Variants in SLC26A7 observed in about 807,000 individuals in gnomAD.
The protein encoded by SLC26A7 is solute carrier family 26 member 7.
SLC26A7 carries 59 observed loss-of-function variants against 82.5 expected under a neutral mutation model. The observed-to-expected ratio is 0.72, with a 90% CI of 0.58 to 0.89. The LOEUF (loss-of-function observed/expected upper bound fraction) is 0.89. SLC26A7 is among the 40% of genes least tolerant of loss of function. SLC26A7 has a pLI of 0.00. For missense variants in SLC26A7, 820 were observed against 793.0 expected, an observed-to-expected ratio of 1.03 and a Z score of -0.41; for synonymous variants, 271 against 274.3, an observed-to-expected ratio of 0.99 and a Z score of 0.12.
At chr8:91,381,239 A>G (rs1253887548) in intron 15 of SLC26A7, among the ~76,000 whole-genome samples, 1 of 152,178 alleles carries the variant, frequency 6.6e-6, no homozygotes, top group Non-Finnish European at 1.5e-5. Flanking sequence ...TTAGCAGTAC[A>G]ATGGACAAAT....
intron 9 of SLC26A7, among the ~76,000 whole-genome samples, chr8:91,351,441 G>A (rs1813712106): frequency 6.6e-6 from 1 of 152,140 alleles, no homozygotes; most frequent in African/African-American, 2.4e-5. Context: ...TACAAAATAA[G>A]GAGGGGAGTC....
intron 2 of SLC26A7, among the ~76,000 whole-genome samples, chr8:91,270,558 G>A (rs1195717314): frequency 6.6e-6 from 1 of 152,118 alleles, no homozygotes; most frequent in African/African-American, 2.4e-5. Context: ...ATCCAGCCAG[G>A]GTTTCAGGCC....
intron 2 of SLC26A7, among the ~76,000 whole-genome samples, chr8:91,255,214 G>A (rs1810769143): frequency 6.6e-6 from 1 of 151,990 alleles, no homozygotes; most frequent in African/African-American, 2.4e-5. Context: ...ACTTTTAGCT[G>A]CCATAGGGTT....
intron 4 of SLC26A7, among the ~76,000 whole-genome samples, chr8:91,297,220 T>C (rs1812040866): frequency 6.6e-6 from 1 of 152,096 alleles, no homozygotes. Flanking sequence ...GTTTTAGGTA[T>C]ATATTAGTAT....
intron 2 of SLC26A7, among the ~76,000 whole-genome samples, chr8:91,282,864 A>G (rs1811610969): frequency 6.6e-6 from 1 of 152,094 alleles, no homozygotes; most frequent in South Asian, 2.1e-4. Context: ...CTTTGAACAC[A>G]TTTCTTCTAC....
At position 91,214,806 on chromosome 8, in the gene SLC26A7, ATT is replaced by A. The variant is rs766125366; in HGVS notation, c.-149-4069_-149-4068del. On this transcript the variant is annotated intron_variant, in intron 1 of 5. Coordinates refer to the SLC26A7 transcript ENST00000522862. The stretch of plus-strand genomic sequence containing the variant: ...CCCAAAGCTTGGTGACTTGACAGAA[ATT>A]TTTTTTTTTTTTTTACAGTCAAGTA... Among the ~76,000 whole-genome samples the A allele has an allele frequency of 5.5e-3, 791 of 144,578 alleles. 5 individuals carry two copies. The highest frequency in any genetic ancestry group is 0.018 in the African/African-American group (714 of 39,480). The allele number at this position is 144,578 out of a possible 152,430, so 94.8% of individuals were successfully genotyped here.
intron 5 of SLC26A7, 56 bp from the exon 6 acceptor site, chr8:91,334,239 G>T: frequency 6.8e-7 from 1 of 1,474,116 alleles, no homozygotes. Flanking sequence ...ATATTTTCAT[G>T]TTGGTATATT....
In SLC26A7 at chr8:91,340,501, C is replaced by T. The variant is rs776215880; in HGVS notation, c.976C>T (p.Leu326Phe). The T allele has an allele frequency of 1.2e-6, 2 of 1,613,954 alleles. No homozygotes were observed. Among genetic ancestry groups the T allele is most frequent in the African/African-American group, 1.3e-5 (1 of 74,992 alleles). The change falls in exon 8 of 19, where the codon CTT (leucine) becomes TTT (phenylalanine). Residue 326 changes from leucine to phenylalanine, a missense_variant. Coordinates refer to ENST00000276609, the MANE Select transcript of SLC26A7 (RefSeq NM_052832.4). ...TGTAGGCTATGTGGCCTCACTGGCT[C>T]TTGCTCAAGGATCTGCCAAAAAATT... The part of the protein sequence containing the change: ...ALVGYVASLA[L>F]AQGSAKKFKY...
At chr8:91,351,654 G>T (rs1178919263) in intron 9 of SLC26A7, among the ~76,000 whole-genome samples, 156 bp from the exon 10 acceptor site, 1 of 152,016 alleles carries the variant, frequency 6.6e-6, no homozygotes, top group Non-Finnish European at 1.5e-5. Flanking sequence ...GCAAAATATA[G>T]ATAATGACAG....
intron 13 of SLC26A7, 118 bp downstream of exon 13, chr8:91,363,656 A>T: frequency 1.8e-6 from 1 of 548,824 alleles, no homozygotes; most frequent in Non-Finnish European, 3.1e-6. Context: ...CTTTTTAATT[A>T]GTATAAACTT....
At chr8:91,337,023 A>G (rs1813262462) in intron 6 of SLC26A7, among the ~76,000 whole-genome samples, 1 of 152,156 alleles carries the variant, frequency 6.6e-6, no homozygotes, top group Non-Finnish European at 1.5e-5. Flanking sequence ...AGCTACTACT[A>G]GTTTCTTTAG....
chr8:91,384,684 C>T (rs1175817612), intron 15 of SLC26A7, among the ~76,000 whole-genome samples: 4 of 151,924 alleles, frequency 2.6e-5, no homozygotes, highest in Admixed American at 6.6e-5. Context: ...TACTGTCTTC[C>T]TTGTTCATCA....
chr8:91,280,865 T>C (rs1811552703), intron 2 of SLC26A7, among the ~76,000 whole-genome samples: 1 of 152,230 alleles, frequency 6.6e-6, no homozygotes, highest in African/African-American at 2.4e-5. Flanking sequence ...GTTTTTAAAA[T>C]ATGTATGTGT....
chr8:91,329,920 C>T (rs775254925), intron 5 of SLC26A7, among the ~76,000 whole-genome samples: 2 of 152,064 alleles, frequency 1.3e-5, no homozygotes, highest in Non-Finnish European at 2.9e-5. Context: ...AAGCAATGAA[C>T]CCTGTTCCTT....
chr8:91,356,893 A>G (rs565587651), intron 11 of SLC26A7, among the ~76,000 whole-genome samples: 19 of 152,292 alleles, frequency 1.2e-4, no homozygotes, highest in South Asian at 6.2e-4. Flanking sequence ...CTGGAAAACA[A>G]CATAGGAGAG....
At chr8:91,285,271 G>A (rs1217523876) in intron 2 of SLC26A7, among the ~76,000 whole-genome samples, 15 of 152,000 alleles carry the variant, frequency 9.9e-5, no homozygotes, top group South Asian at 2.1e-4. Context: ...GTCATGTGGC[G>A]TTCACACGCC....
intron 18 of SLC26A7, 116 bp downstream of exon 18, chr8:91,394,155 C>T (rs1808500154): frequency 1.3e-6 from 2 of 1,598,232 alleles, no homozygotes; most frequent in Non-Finnish European, 1.7e-6. Context: ...CTGTTAGCCC[C>T]CCACCCCACC....
intron 2 of SLC26A7, among the ~76,000 whole-genome samples, chr8:91,278,565 T>A (rs906578918): frequency 3.3e-5 from 5 of 152,172 alleles, no homozygotes; most frequent in Non-Finnish European, 1.5e-5. Context: ...GATCATGGAA[T>A]TTGTCAGCTT....
At chr8:91,390,364 G>A (rs547226867) in intron 16 of SLC26A7, among the ~76,000 whole-genome samples, 295 of 152,046 alleles carry the variant, frequency 1.9e-3, no homozygotes, top group Non-Finnish European at 3.4e-3. Flanking sequence ...TGATCTACCC[G>A]CCTTGGCCTC....
Sources: allele counts gnomAD v4.1 joint callset (sites outside exome capture counted in the v4.1 genomes callset), GRCh38; gene constraint gnomAD v4.1.1; transcripts MANE v1.5; gene names NCBI Gene and HGNC (gene_info 2026-07-23, HGNC 2026-07-21).